Variants in MIGA1 observed in about 807,000 individuals in gnomAD.
MIGA1 encodes the protein family with sequence similarity 73, member A.
Under a neutral mutation model 82.0 loss-of-function variants are expected in MIGA1, and 58 were observed. The ratio of observed to expected loss-of-function variants is 0.71; its 90% CI spans 0.57 to 0.88. The LOEUF is 0.88. Among genes scored for constraint, MIGA1 ranks in the 40% least tolerant of loss-of-function variants. The probability of loss-of-function intolerance (pLI) is 0.00; values close to 1 mark genes in which losing one functional copy is unlikely to be tolerated. For synonymous variants in MIGA1, 249 were observed against 253.6 expected (o/e 0.98, Z 0.17); for missense variants, 751 against 749.1 (o/e 1.00, Z -0.03).
chr1:77,829,285 T>TA (rs1394542293), intron 7 of MIGA1, among the ~76,000 whole-genome samples: 1 of 152,104 alleles, frequency 6.6e-6, no homozygotes, highest in Admixed American at 6.5e-5. Flanking sequence ...ATTAATTTTA[T>TA]AAAAGTAATT....
chr1:77,844,158 A>G (rs1256286861), intron 8 of MIGA1, among the ~76,000 whole-genome samples: 2 of 144,806 alleles, frequency 1.4e-5, no homozygotes, highest in South Asian at 2.1e-4. Flanking sequence ...ATAGATAGAT[A>G]GATAGATATA....
At chr1:77,864,252 C>T (rs969246033) in intron 13 of MIGA1, among the ~76,000 whole-genome samples, 1 of 151,544 alleles carries the variant, frequency 6.6e-6, no homozygotes, top group Non-Finnish European at 1.5e-5. Flanking sequence ...CACCTGTAAT[C>T]CCAGCTACTC....
In MIGA1 at chr1:77,813,736, A is replaced by ATGGAATTGTTTG. The variant is rs1557907099; in HGVS notation, c.641_652dup (p.Phe217_Glu218insValGluLeuPhe). The ATGGAATTGTTTG allele has an allele frequency of 6.2e-7, 1 of 1,613,758 alleles. No homozygotes were observed. On this transcript the variant is annotated inframe_insertion, in exon 6 of 16. Transcript: ENST00000370791. ...ATTGTTCTGTTCTTAATTTTTAGGT[A>ATGGAATTGTTTG]TGGAATTGTTTGAAGAGGCATTGCG...
intron 5 of MIGA1, among the ~76,000 whole-genome samples, chr1:77,812,441 C>T (rs1421209190): frequency 6.6e-6 from 1 of 151,670 alleles, no homozygotes; most frequent in South Asian, 2.1e-4. Flanking sequence ...GAGACTCTGT[C>T]TCAATAAATA....
chr1:77,820,935 A>G (rs1255662048), intron 7 of MIGA1, among the ~76,000 whole-genome samples: 1 of 151,944 alleles, frequency 6.6e-6, no homozygotes, highest in African/African-American at 2.4e-5. Context: ...GGAGTTCAAG[A>G]CCAGCCTGGC....
At chr1:77,823,224 T>A (rs913884554) in intron 7 of MIGA1, among the ~76,000 whole-genome samples, 11 of 152,118 alleles carry the variant, frequency 7.2e-5, no homozygotes, top group Non-Finnish European at 1.0e-4. Context: ...TTTTTTTTTT[T>A]AAATAGCAGA....
At chr1:77,787,170 T>C (rs1682199236) in intron 2 of MIGA1, among the ~76,000 whole-genome samples, 1 of 152,088 alleles carries the variant, frequency 6.6e-6, no homozygotes, top group South Asian at 2.1e-4. Flanking sequence ...AGGGAAGGAC[T>C]TGTCCCCATG....
rs1052340869 is a variant in MIGA1, at chr1:77,878,020, A to G, written c.*2956A>G. The G allele has an allele frequency of 4.6e-5, 7 of 152,226 alleles. No individual in the cohort carries two copies. The highest frequency in any genetic ancestry group is 1.4e-4 in the African/African-American group (6 of 41,464). 9.4% of individuals were successfully genotyped at this position (152,226 alleles called of 1,614,324 possible). On this transcript the variant is annotated 3_prime_UTR_variant, in exon 16 of 16. Coordinates refer to ENST00000370791, the MANE Select transcript of MIGA1 (RefSeq NM_198549.4). ...AGTATAGGAAATATCTCTTTATCGTAAGATAAGAAACTTGAACTTTTTAAA... is the reference window on the plus strand; with the variant it reads ...AGTATAGGAAATATCTCTTTATCGTGAGATAAGAAACTTGAACTTTTTAAA...
chr1:77,811,292 G>A (rs4121165), intron 5 of MIGA1: 325,518 of 1,596,166 alleles, frequency 0.2, 35,507 homozygotes, highest in East Asian at 0.42. Context: ...GTCATTCCTG[G>A]TTCCGATGGC....
chr1:77,836,345 C>T (rs377231754), intron 7 of MIGA1, among the ~76,000 whole-genome samples: 11 of 152,182 alleles, frequency 7.2e-5, no homozygotes, highest in East Asian at 3.9e-4. Flanking sequence ...ATGGTTTTAA[C>T]GCTTTTGCTA....
At chr1:77,874,776 T>A in intron 15 of MIGA1, 70 bp from the exon 16 acceptor site, 1 of 1,074,550 alleles carries the variant, frequency 9.3e-7, no homozygotes, top group African/African-American at 1.6e-5. Flanking sequence ...GTGCTCATTA[T>A]AATATTAGAA....
intron 12 of MIGA1, among the ~76,000 whole-genome samples, chr1:77,863,556 G>A (rs763412369): frequency 6.6e-6 from 1 of 152,174 alleles, no homozygotes; most frequent in Non-Finnish European, 1.5e-5. Context: ...AGAGCAAGAT[G>A]TTCATGATCT....
intron 14 of MIGA1, among the ~76,000 whole-genome samples, chr1:77,872,033 T>C (rs1025883346): frequency 1.1e-4 from 17 of 152,216 alleles, no homozygotes; most frequent in Non-Finnish European, 7.4e-5. Context: ...AGTGGCATTA[T>C]CTTGGCTCAC....
chr1:77,794,680 T>C (rs1050894999), intron 2 of MIGA1, among the ~76,000 whole-genome samples: 14 of 152,208 alleles, frequency 9.2e-5, no homozygotes, highest in African/African-American at 3.4e-4. Context: ...TGCATGTCTG[T>C]AGTCCCAGCT....
chr1:77,843,558 T>C, intron 8 of MIGA1, 151 bp downstream of exon 8: 2 of 605,122 alleles, frequency 3.3e-6, no homozygotes, highest in Non-Finnish European at 5.8e-6. Flanking sequence ...AAATCTAACA[T>C]GAAAATAAGC....
chr1:77,855,655 C>T (rs374979255), intron 8 of MIGA1, among the ~76,000 whole-genome samples: 5 of 150,966 alleles, frequency 3.3e-5, no homozygotes, highest in African/African-American at 1.2e-4. Context: ...TTTTTTGTAG[C>T]TGTTGTAAAA....
At chr1:77,869,941 G>T (rs1229116461) in intron 14 of MIGA1, among the ~76,000 whole-genome samples, 1 of 134,808 alleles carries the variant, frequency 7.4e-6, no homozygotes, top group Non-Finnish European at 1.6e-5. Flanking sequence ...CCTCCCGGAC[G>T]GGGCGGCTGG....
intron 7 of MIGA1, among the ~76,000 whole-genome samples, chr1:77,827,031 T>C (rs1282983990): frequency 1.3e-5 from 2 of 151,830 alleles, no homozygotes; most frequent in African/African-American, 4.8e-5. Flanking sequence ...GGTCTCAAGC[T>C]CCTGACCTCA....
intron 7 of MIGA1, among the ~76,000 whole-genome samples, chr1:77,817,273 G>T (rs1683606594): frequency 1.3e-5 from 2 of 152,128 alleles, no homozygotes; most frequent in Non-Finnish European, 2.9e-5. Context: ...TGGGCATGTG[G>T]CTTAGTTTTT....
Sources: gnomAD v4.1 joint callset for allele counts (sites outside exome capture counted in the v4.1 genomes callset) on GRCh38, gnomAD v4.1.1 for gene constraint, MANE v1.5 for transcripts, NCBI Gene and HGNC (gene_info 2026-07-23, HGNC 2026-07-21) for gene names.